The following MTUS2 variants were observed in gnomAD, a reference collection of about 807,000 sequenced individuals.
The protein encoded by MTUS2 is microtubule-associated tumor suppressor candidate 2.
A neutral mutation model predicts 114.1 loss-of-function variants in MTUS2; 40 were observed. That is an observed-to-expected ratio of 0.35 (90% confidence interval 0.27 to 0.46). The LOEUF (loss-of-function observed/expected upper bound fraction) is 0.46. MTUS2 is among the 20% of genes least tolerant of loss of function. MTUS2 has a pLI of 1.00. For missense variants in MTUS2, 1,679 were observed against 1,705.4 expected, an observed-to-expected ratio of 0.98 and a Z score of 0.27; for synonymous variants, 688 against 672.0, an observed-to-expected ratio of 1.02 and a Z score of -0.37.
intron 5 of MTUS2, among the ~76,000 whole-genome samples, chr13:29,265,285 T>A (rs1158463659): frequency 6.6e-6 from 1 of 152,198 alleles, no homozygotes; most frequent in Admixed American, 6.5e-5. Context: ...CATTCCTCAT[T>A]TCCATCTGGG....
intron 9 of MTUS2, among the ~76,000 whole-genome samples, chr13:29,443,674 C>T (rs978558619): frequency 3.3e-5 from 5 of 152,226 alleles, no homozygotes; most frequent in African/African-American, 1.2e-4. Context: ...GATCAACTGT[C>T]AACCGTAAAG....
chr13:29,177,441 A>G (rs1387622648), intron 5 of MTUS2, among the ~76,000 whole-genome samples: 1 of 151,132 alleles, frequency 6.6e-6, no homozygotes, highest in Non-Finnish European at 1.5e-5. Context: ...GGGACATTCA[A>G]GTTTTACCTG....
intron 4 of MTUS2, among the ~76,000 whole-genome samples, chr13:29,039,536 C>T (rs1000502945): frequency 6.6e-6 from 1 of 152,230 alleles, no homozygotes; most frequent in Non-Finnish European, 1.5e-5. Flanking sequence ...TTCTATCCTT[C>T]CCACTGATGG....
intron 8 of MTUS2, among the ~76,000 whole-genome samples, chr13:29,399,339 GACCTCCTGTCT>G (rs923549567): frequency 6.6e-6 from 1 of 152,014 alleles, no homozygotes; most frequent in African/African-American, 2.4e-5. Flanking sequence ...ATCTTGTGCC[GACCTCCTGTCT>G]CATCCTGTGA....
intron 5 of MTUS2, among the ~76,000 whole-genome samples, chr13:29,257,028 T>C (rs1241866017): frequency 6.6e-6 from 1 of 152,280 alleles, no homozygotes; most frequent in East Asian, 1.9e-4. Context: ...TATACATATA[T>C]GTATATTTGC....
chr13:29,195,385 G>C (rs527456730), intron 5 of MTUS2, among the ~76,000 whole-genome samples: 1 of 151,800 alleles, frequency 6.6e-6, no homozygotes, highest in African/African-American at 2.4e-5. Context: ...TAACATTTTG[G>C]TATATTTTCC....
At chr13:29,319,902 G>A (rs892645389) in intron 6 of MTUS2, among the ~76,000 whole-genome samples, 6 of 152,118 alleles carry the variant, frequency 3.9e-5, no homozygotes, top group African/African-American at 1.4e-4. Flanking sequence ...GGGACTCCAG[G>A]GACTAATAGA....
chr13:29,463,099 T>G (rs1196926664), intron 9 of MTUS2, among the ~76,000 whole-genome samples: 1 of 152,058 alleles, frequency 6.6e-6, no homozygotes, highest in Non-Finnish European at 1.5e-5. Context: ...ACAGAGAGAT[T>G]TGCTAATTTG....
At chr13:29,122,540 C>G (rs193144279) in intron 5 of MTUS2, among the ~76,000 whole-genome samples, 1 of 152,226 alleles carries the variant, frequency 6.6e-6, no homozygotes, top group East Asian at 1.9e-4. Context: ...ATTCAGTTAC[C>G]TCTCACTGGG....
chr13:28,936,519 G>A (rs1179641379), intron 2 of MTUS2, among the ~76,000 whole-genome samples: 1 of 152,106 alleles, frequency 6.6e-6, no homozygotes, highest in Non-Finnish European at 1.5e-5. Context: ...TGGTGAGCTC[G>A]TTGGATGGGA....
At chr13:29,118,597 C>T (rs1891183296) in intron 5 of MTUS2, among the ~76,000 whole-genome samples, 1 of 152,180 alleles carries the variant, frequency 6.6e-6, no homozygotes, top group Middle Eastern at 3.2e-3. Flanking sequence ...AGCTGCCTCA[C>T]ATTTGTGGGA....
chr13:29,437,348 GT>G (rs1877487018), intron 8 of MTUS2, among the ~76,000 whole-genome samples: 1 of 152,182 alleles, frequency 6.6e-6, no homozygotes, highest in Non-Finnish European at 1.5e-5. Flanking sequence ...TTAGGAACGT[GT>G]TTAGGAATTA....
intron 5 of MTUS2, among the ~76,000 whole-genome samples, chr13:29,204,825 G>A (rs747406674): frequency 9.2e-5 from 14 of 152,198 alleles, no homozygotes; most frequent in East Asian, 1.9e-4. Flanking sequence ...CACTAAAAGC[G>A]CGCAAAGCAT....
chr13:28,963,077 C>T (rs1177450513), intron 2 of MTUS2, among the ~76,000 whole-genome samples: 2 of 152,096 alleles, frequency 1.3e-5, no homozygotes, highest in Non-Finnish European at 1.5e-5. Flanking sequence ...TGCAGCTGGG[C>T]GCAGTGGCTC....
At chr13:29,486,938 A>G (rs1020411191) in intron 10 of MTUS2, among the ~76,000 whole-genome samples, 3 of 152,220 alleles carry the variant, frequency 2.0e-5, no homozygotes, top group African/African-American at 7.2e-5. Flanking sequence ...TTTGAAGTTA[A>G]AACAACAGCC....
chr13:29,380,722 C>A lies in MTUS2; in HGVS notation c.3117+21249C>A. On this transcript the variant is annotated intron_variant, in intron 8 of 15. Coordinates refer to ENST00000612955, the MANE Select transcript of MTUS2 (RefSeq NM_001033602.4). Reference sequence around the variant, plus strand: ...ATGAGGTCAGGAGATCGAGACCATCCTGGCTAACAAGGTGAAACCCCGTCT... The same window carrying A: ...ATGAGGTCAGGAGATCGAGACCATCATGGCTAACAAGGTGAAACCCCGTCT... Among the ~76,000 whole-genome samples the A allele has an allele frequency of 9.7e-5, 2 of 20,610 alleles. 1 individual carries two copies. Among genetic ancestry groups the A allele is most frequent in the Non-Finnish European group, 5.3e-4 (2 of 3,804 alleles). 13.5% of individuals were successfully genotyped at this position (20,610 alleles called of 152,430 possible).
intron 8 of MTUS2, among the ~76,000 whole-genome samples, chr13:29,392,497 G>C (rs1418546861): frequency 1.3e-5 from 2 of 152,176 alleles, no homozygotes; most frequent in African/African-American, 4.8e-5. Context: ...CTCATGCCCT[G>C]TCTGGACGGC....
At position 29,204,144 on chromosome 13, in the gene MTUS2, G is replaced by C. The variant is rs1895083112; in HGVS notation, c.2645-77560G>C. Among the ~76,000 whole-genome samples, 3 of 151,998 alleles carry C rather than the reference G, an allele frequency of 2.0e-5. No individual in the cohort carries two copies. The South Asian group carries it at 6.2e-4, about 32-fold the overall frequency. ...CTGGCTACTTTTTGTATTTTTAGTA[G>C]AGACGGGGTTTTGCCATATTGGCCA... On this transcript the variant is annotated intron_variant, in intron 5 of 15. Transcript: ENST00000612955.
chr13:29,249,653 G>T (rs1255584201), intron 5 of MTUS2, among the ~76,000 whole-genome samples: 2 of 151,902 alleles, frequency 1.3e-5, no homozygotes, highest in Non-Finnish European at 2.9e-5. Context: ...TTTTTGATGG[G>T]GTTGTTTTTT....
Sources: allele counts gnomAD v4.1 joint callset (sites outside exome capture counted in the v4.1 genomes callset), GRCh38; gene constraint gnomAD v4.1.1; transcripts MANE v1.5; gene names NCBI Gene and HGNC (gene_info 2026-07-23, HGNC 2026-07-21).